Variants in TANC1 observed in about 807,000 individuals in gnomAD.
The protein encoded by TANC1 is tetratricopeptide repeat, ankyrin repeat and coiled-coil containing 1.
In TANC1, 77 loss-of-function variants were observed where a neutral mutation model predicts 149.7. The ratio of observed to expected loss-of-function variants is 0.51; its 90% confidence interval spans 0.43 to 0.62. The LOEUF is 0.62. Among genes scored for constraint, TANC1 ranks in the 20% least tolerant of loss-of-function variants. TANC1 has a pLI of 0.00. For synonymous variants in TANC1, 854 were observed against 925.0 expected (o/e 0.92, Z 1.39); for missense variants, 1,985 against 2,321.8 (o/e 0.85, Z 2.98).
At chr2:159,087,467 GTT>G (rs56181604) in intron 3 of TANC1, among the ~76,000 whole-genome samples, 114,875 of 134,776 alleles carry the variant, frequency 0.85, 49,197 homozygotes, top group Non-Finnish European at 0.91. Context: ...TTGTTTTTCC[GTT>G]TTTTTTTTTT....
intron 2 of TANC1, among the ~76,000 whole-genome samples, chr2:159,062,695 C>T (rs912245493): frequency 8.6e-5 from 13 of 152,038 alleles, no homozygotes; most frequent in Non-Finnish European, 1.3e-4. Flanking sequence ...CGGCCGGGCG[C>T]GGTGGCTCAC....
At chr2:159,181,801 T>C (rs2056511196) in intron 14 of TANC1, among the ~76,000 whole-genome samples, 1 of 152,236 alleles carries the variant, frequency 6.6e-6, no homozygotes, top group South Asian at 2.1e-4. Flanking sequence ...AGCTATTAAA[T>C]CAGATCTTAA....
At chr2:159,130,459 A>G (rs900356191) in intron 4 of TANC1, among the ~76,000 whole-genome samples, 17 of 152,144 alleles carry the variant, frequency 1.1e-4, no homozygotes, top group African/African-American at 4.1e-4. Context: ...GTTGATAAGG[A>G]CTGTGGCTGC....
At position 159,163,363 on chromosome 2, in the gene TANC1, G is replaced by A. The variant is rs745571149; in HGVS notation, c.763G>A (p.Gly255Arg). ...EWNKDGNLRL[G>R]VQKGVLHDRR... The stretch of plus-strand genomic sequence containing the variant: ...GAATAAAGATGGAAACCTAAGATTA[G>A]GGGTTCAGAAGGGAGTGCTTCATGA... Residue 255 changes from glycine (G) to arginine (R), a missense_variant, in exon 8 of 27, where the codon GGG becomes AGG. By Grantham distance (125) the Gly-to-Arg change is moderately radical. Coordinates refer to ENST00000263635, the MANE Select transcript of TANC1 (RefSeq NM_033394.3). 9 of 1,614,096 alleles carry A rather than the reference G, an allele frequency of 5.6e-6. No homozygotes were observed. In the East Asian group the frequency reaches 2.0e-4, roughly 36 times the overall value.
chr2:159,174,875 G>T, intron 11 of TANC1, 78 bp from the exon 12 acceptor site: 1 of 1,107,912 alleles, frequency 9.0e-7, no homozygotes, highest in South Asian at 1.3e-5. Flanking sequence ...AATGGGCAGA[G>T]TTGTGTTCCT....
intron 3 of TANC1, among the ~76,000 whole-genome samples, chr2:159,091,030 T>C (rs1292129024): frequency 6.6e-6 from 1 of 151,806 alleles, no homozygotes; most frequent in East Asian, 1.9e-4. Flanking sequence ...CAGGGTGTTT[T>C]TTTGTTTTTT....
At chr2:158,983,297 C>G (rs949374007) in intron 1 of TANC1, among the ~76,000 whole-genome samples, 1 of 151,850 alleles carries the variant, frequency 6.6e-6, no homozygotes, top group Non-Finnish European at 1.5e-5. Flanking sequence ...GAAACCCCGT[C>G]TCTACTAAAA....
At chr2:159,225,874 C>T in intron 24 of TANC1, 95 bp downstream of exon 24, 1 of 947,530 alleles carries the variant, frequency 1.1e-6, no homozygotes, top group South Asian at 1.4e-5. Flanking sequence ...ACTGCACAGT[C>T]TCCATGTAAT....
intron 2 of TANC1, among the ~76,000 whole-genome samples, chr2:159,015,817 G>T (rs1225378990): frequency 6.6e-6 from 1 of 152,140 alleles, no homozygotes; most frequent in Non-Finnish European, 1.5e-5. Flanking sequence ...AGTTCCTGAT[G>T]AGTTCTTCAT....
At chr2:159,046,826 A>G (rs982033593) in intron 2 of TANC1, among the ~76,000 whole-genome samples, 1 of 151,720 alleles carries the variant, frequency 6.6e-6, no homozygotes, top group African/African-American at 2.4e-5. Flanking sequence ...CTGGTCTCAA[A>G]CTTCTGAGTT....
At position 159,144,294 on chromosome 2, in the gene TANC1, A is replaced by T. The variant is rs143903864; in HGVS notation, c.365-4848A>T. 3.8e-3 allele frequency among the ~76,000 whole-genome samples: 574 copies of T among 152,354 alleles called. 5 individuals are homozygous for T. The highest frequency in any genetic ancestry group is 0.013 in the African/African-American group (531 of 41,584). ...CATGAAAATTTTGAAGGTAACCTGC[A>T]TGATAACTATGTTTTGGTATTGCAG... On this transcript the variant is annotated intron_variant, in intron 5 of 26. Coordinates refer to ENST00000263635, the MANE Select transcript of TANC1 (RefSeq NM_033394.3).
chr2:159,014,881 AC>A (rs923927765), intron 2 of TANC1, among the ~76,000 whole-genome samples: 1 of 152,128 alleles, frequency 6.6e-6, no homozygotes, highest in African/African-American at 2.4e-5. Flanking sequence ...GGGCAGCTCC[AC>A]CCCTATGGCT....
At chr2:159,041,640 A>C (rs2040642818) in intron 2 of TANC1, among the ~76,000 whole-genome samples, 1 of 152,206 alleles carries the variant, frequency 6.6e-6, no homozygotes, top group Non-Finnish European at 1.5e-5. Flanking sequence ...GACAGTTGGA[A>C]AAGTGCAGTG....
At chr2:159,066,528 A>G (rs566848834) in intron 3 of TANC1, among the ~76,000 whole-genome samples, 1 of 152,348 alleles carries the variant, frequency 6.6e-6, no homozygotes, top group African/African-American at 2.4e-5. Flanking sequence ...AAGGTTCATA[A>G]TTTTAATAGG....
At chr2:159,160,365 G>A (rs1303270409) in intron 7 of TANC1, among the ~76,000 whole-genome samples, 1 of 152,024 alleles carries the variant, frequency 6.6e-6, no homozygotes, top group Non-Finnish European at 1.5e-5. Flanking sequence ...TCACAGTTAA[G>A]ATGCTGCCCT....
intron 4 of TANC1, among the ~76,000 whole-genome samples, chr2:159,113,563 G>A (rs2047963499): frequency 6.6e-6 from 1 of 152,192 alleles, no homozygotes; most frequent in Non-Finnish European, 1.5e-5. Context: ...CCATCAAACT[G>A]GTCCTGACAT....
At chr2:159,007,242 G>A (rs1311092033) in intron 2 of TANC1, among the ~76,000 whole-genome samples, 2 of 148,134 alleles carry the variant, frequency 1.4e-5, no homozygotes, top group African/African-American at 5.0e-5. Flanking sequence ...CGCCTCCCTG[G>A]TTCAAGCGAT....
intron 5 of TANC1, among the ~76,000 whole-genome samples, chr2:159,145,952 T>C (rs1017763902): frequency 1.3e-5 from 2 of 152,224 alleles, no homozygotes; most frequent in South Asian, 4.1e-4. Context: ...CCATTATTGA[T>C]CAGCGATTTA....
At chr2:159,006,458 A>G (rs970676372) in intron 2 of TANC1, among the ~76,000 whole-genome samples, 2 of 152,222 alleles carry the variant, frequency 1.3e-5, no homozygotes, top group Admixed American at 6.5e-5. Context: ...TTGGTACAGT[A>G]GTCTTTAAAC....
Sources: allele counts gnomAD v4.1 joint callset (sites outside exome capture counted in the v4.1 genomes callset), GRCh38; gene constraint gnomAD v4.1.1; transcripts MANE v1.5; gene names NCBI Gene and HGNC (gene_info 2026-07-23, HGNC 2026-07-21).